COBLL1: variants seen among roughly 807,000 people sequenced by gnomAD.
COBLL1 encodes the protein cordon-bleu WH2 repeat protein like 1.
Under a neutral mutation model 94.8 loss-of-function variants are expected in COBLL1, and 50 were observed. The ratio of observed to expected loss-of-function variants is 0.53; its 90% CI spans 0.42 to 0.67. COBLL1 has a LOEUF of 0.67. Ranked by LOEUF, COBLL1 falls within the 30% of genes least tolerant of loss-of-function variation. COBLL1 has a pLI of 0.00. For missense variants in COBLL1, 1,362 were observed against 1,348.7 expected (o/e 1.01, Z -0.15); for synonymous variants, 448 against 473.8 (o/e 0.95, Z 0.71).
intron 2 of COBLL1, among the ~76,000 whole-genome samples, chr2:164,815,728 G>T (rs1190019440): frequency 3.3e-5 from 5 of 152,022 alleles, no homozygotes. Flanking sequence ...ATCCTAATTG[G>T]TTAAAGATCC....
intron 2 of COBLL1, among the ~76,000 whole-genome samples, chr2:164,789,782 C>A (rs1192976476): frequency 6.6e-6 from 1 of 152,106 alleles, no homozygotes; most frequent in Non-Finnish European, 1.5e-5. Flanking sequence ...TGCTGTTACC[C>A]CCTTTAACGG....
intron 2 of COBLL1, among the ~76,000 whole-genome samples, chr2:164,818,323 T>C (rs1300503973): frequency 1.3e-5 from 2 of 149,564 alleles, no homozygotes; most frequent in Non-Finnish European, 3.0e-5. Flanking sequence ...CACGTGTGTA[T>C]GTATACATAT....
At chr2:164,789,446 G>C (rs1025890884) in intron 2 of COBLL1, among the ~76,000 whole-genome samples, 1 of 152,086 alleles carries the variant, frequency 6.6e-6, no homozygotes, top group African/African-American at 2.4e-5. Context: ...TGGGGCATGA[G>C]ACAAGCCAAT....
At chr2:164,757,144 A>T (rs1226489700) in intron 2 of COBLL1, among the ~76,000 whole-genome samples, 1 of 152,086 alleles carries the variant, frequency 6.6e-6, no homozygotes, top group Non-Finnish European at 1.5e-5. Context: ...CAATTTTGAG[A>T]ACCACCGGTC....
intron 1 of COBLL1, among the ~76,000 whole-genome samples, chr2:164,672,413 T>C (rs1163549076): frequency 6.6e-6 from 1 of 152,160 alleles, no homozygotes; most frequent in East Asian, 1.9e-4. Flanking sequence ...AAAATGACTT[T>C]GTAGGCCGGG....
At chr2:164,763,698 T>C (rs375851382) in intron 2 of COBLL1, among the ~76,000 whole-genome samples, 2 of 152,088 alleles carry the variant, frequency 1.3e-5, no homozygotes, top group East Asian at 1.9e-4. Flanking sequence ...TCAAATGACA[T>C]AAAGAAAATA....
At chr2:164,838,628 T>G (rs1360993192) in intron 2 of COBLL1, among the ~76,000 whole-genome samples, 1 of 152,236 alleles carries the variant, frequency 6.6e-6, no homozygotes, top group Non-Finnish European at 1.5e-5. Flanking sequence ...TTCAACACAC[T>G]CAGTGTTTCT....
intron 13 of COBLL1, among the ~76,000 whole-genome samples, chr2:164,691,755 T>TAG (rs1414639049): frequency 4.6e-5 from 7 of 152,222 alleles, no homozygotes; most frequent in African/African-American, 1.7e-4. Flanking sequence ...ATCTATCATC[T>TAG]ACATTCTCTA....
intron 2 of COBLL1, among the ~76,000 whole-genome samples, chr2:164,746,505 G>A (rs1378731219): frequency 1.3e-5 from 2 of 151,926 alleles, no homozygotes; most frequent in Admixed American, 6.6e-5. Flanking sequence ...CTCTACTTAC[G>A]ATGGGATTAC....
At chr2:164,744,468 T>C (rs530800455) in intron 2 of COBLL1, among the ~76,000 whole-genome samples, 3 of 152,214 alleles carry the variant, frequency 2.0e-5, no homozygotes, top group Admixed American at 6.5e-5. Flanking sequence ...TTTTAGATCT[T>C]TTGGGGGGTA....
chr2:164,719,920 A>C (rs1490807612), intron 7 of COBLL1, among the ~76,000 whole-genome samples: 1 of 152,186 alleles, frequency 6.6e-6, no homozygotes, highest in Non-Finnish European at 1.5e-5. Context: ...AAATGAATAA[A>C]AGAAACAGTG....
chr2:164,805,465 A>G (rs1380332818), intron 2 of COBLL1, among the ~76,000 whole-genome samples: 2 of 149,118 alleles, frequency 1.3e-5, no homozygotes, highest in African/African-American at 5.0e-5. Context: ...TCATGGTTTT[A>G]CCGCCCTAAA....
intron 2 of COBLL1, among the ~76,000 whole-genome samples, chr2:164,766,517 C>T (rs72880674): frequency 0.016 from 2,462 of 152,236 alleles, 29 homozygotes; most frequent in South Asian, 0.027. Flanking sequence ...CTGGCTCCCC[C>T]TTGCCTTCTG....
At position 164,841,032 on chromosome 2, in the gene COBLL1, A is replaced by C; in HGVS notation, c.41+124T>G. 4.8e-6 allele frequency: 5 copies of C among 1,031,802 alleles called. No individual in the cohort carries two copies. Among genetic ancestry groups the C allele is most frequent in the Non-Finnish European group, 6.2e-6 (5 of 808,152 alleles). 63.9% of individuals were successfully genotyped at this position (1,031,802 alleles called of 1,614,324 possible). On this transcript the variant is annotated intron_variant, in intron 2 of 13. Coordinates refer to ENST00000652658, the MANE Select transcript of COBLL1 (RefSeq NM_001365672.2). This position sits in a 1 kb window ranked among gnomAD's most constrained non-coding sequence, Gnocchi z 5.5. ...AGCAGCCTCCCCGGCCGCGTGGAGG[A>C]CAGTCAGTGAGTCAGGCCGCCGGCA...
chr2:164,760,133 C>T (rs1687608900), intron 2 of COBLL1, among the ~76,000 whole-genome samples: 1 of 152,164 alleles, frequency 6.6e-6, no homozygotes, highest in Non-Finnish European at 1.5e-5. Context: ...AAGACCCAAA[C>T]TGGAAACAAC....
intron 2 of COBLL1, among the ~76,000 whole-genome samples, chr2:164,772,935 T>C (rs1325537758): frequency 6.8e-6 from 1 of 147,284 alleles, no homozygotes; most frequent in Non-Finnish European, 1.5e-5. Flanking sequence ...CCAGCCAACT[T>C]AGAATGTCCA....
intron 7 of COBLL1, among the ~76,000 whole-genome samples, chr2:164,705,664 C>T (rs1335664251): frequency 2.6e-5 from 4 of 152,116 alleles, no homozygotes; most frequent in Non-Finnish European, 4.4e-5. Context: ...TGACCAAATG[C>T]CATGTCATCT....
chr2:164,841,093 G>A lies in COBLL1; in HGVS notation c.41+63C>T. On this transcript the variant is annotated intron_variant, in intron 2 of 13. Transcript: ENST00000652658. The surrounding 1 kb of genome is among the most constrained non-coding windows in gnomAD (Gnocchi z 5.5). Reference sequence around the variant, plus strand: ...TTGCCAGCCAGGTGAAACGGCCGAGGCCTCGCTGTCCTCGCCGGCCTCGCC... The same window carrying A: ...TTGCCAGCCAGGTGAAACGGCCGAGACCTCGCTGTCCTCGCCGGCCTCGCC... 2.4e-6 allele frequency: 3 copies of A among 1,225,178 alleles called. No homozygotes were observed. The highest frequency in any genetic ancestry group is 4.1e-5 in the South Asian group (1 of 24,232). The allele number at this position is 1,225,178 out of a possible 1,614,324, so 75.9% of individuals were successfully genotyped here.
At chr2:164,749,669 A>G (rs370044521) in intron 2 of COBLL1, among the ~76,000 whole-genome samples, 1 of 152,230 alleles carries the variant, frequency 6.6e-6, no homozygotes, top group Non-Finnish European at 1.5e-5. Context: ...TACAATTAAA[A>G]ACAATAAAGC....
Sources: gnomAD v4.1 joint callset for allele counts (sites outside exome capture counted in the v4.1 genomes callset) on GRCh38, gnomAD v4.1.1 for gene constraint, Gnocchi (gnomAD v3.1) non-coding constraint, MANE v1.5 for transcripts, NCBI Gene and HGNC (gene_info 2026-07-23, HGNC 2026-07-21) for gene names.